The following NEMP2 variants were observed in gnomAD, a reference collection of about 807,000 sequenced individuals.
NEMP2 encodes UPF0571 transmembrane protein.
A neutral mutation model predicts 54.2 loss-of-function variants in NEMP2; 53 were observed. The observed-to-expected ratio is 0.98, with a 90% CI of 0.78 to 1.23. The LOEUF is 1.23. NEMP2 is among the 50% of genes most tolerant of loss of function. The probability of loss-of-function intolerance (pLI) is 0.00; values close to 1 mark genes in which losing one functional copy is unlikely to be tolerated. For synonymous variants in NEMP2, 197 were observed against 190.3 expected (o/e 1.04, Z -0.29); for missense variants, 455 against 511.3 (o/e 0.89, Z 1.06).
the NEMP2 span, among the ~76,000 whole-genome samples, chr2:190,614,416 C>T: frequency 2.0e-5 from 3 of 151,998 alleles, no homozygotes; most frequent in Admixed American, 6.6e-5. The surrounding 1 kb of genome is among the most constrained non-coding windows in gnomAD (Gnocchi z 5.7). Flanking sequence ...TTGCTCAAAA[C>T]GACAAGATCC....
the NEMP2 span, among the ~76,000 whole-genome samples, chr2:190,620,663 T>C: frequency 6.6e-6 from 1 of 152,162 alleles, no homozygotes; most frequent in East Asian, 1.9e-4. This position sits in a 1 kb window ranked among gnomAD's most constrained non-coding sequence, Gnocchi z 4.9. Context: ...ACTAGCATCA[T>C]ACACAATAGT....
the NEMP2 span, among the ~76,000 whole-genome samples, chr2:190,459,938 G>C: frequency 5.9e-5 from 9 of 152,208 alleles, no homozygotes; most frequent in African/African-American, 2.2e-4. This position sits in a 1 kb window ranked among gnomAD's most constrained non-coding sequence, Gnocchi z 5.3. Flanking sequence ...CTTATGCTCT[G>C]TTCTACAAGG....
chr2:190,612,315 C>A, the NEMP2 span, among the ~76,000 whole-genome samples: 1 of 151,982 alleles, frequency 6.6e-6, no homozygotes, highest in South Asian at 2.1e-4. Context: ...GCCACCACGC[C>A]CAGCTAATTT....
the NEMP2 span, among the ~76,000 whole-genome samples, chr2:190,569,365 T>C: frequency 2.7e-5 from 4 of 150,806 alleles, no homozygotes; most frequent in African/African-American, 7.3e-5. Flanking sequence ...ATTGATTTTA[T>C]AGAGTTGTGA....
the NEMP2 span, among the ~76,000 whole-genome samples, chr2:190,461,767 G>A: frequency 6.6e-6 from 1 of 152,082 alleles, no homozygotes; most frequent in Non-Finnish European, 1.5e-5. This position sits in a 1 kb window ranked among gnomAD's most constrained non-coding sequence, Gnocchi z 5.5. Context: ...TGGTGAATTA[G>A]TTTCAACATA....
the NEMP2 span, among the ~76,000 whole-genome samples, chr2:190,582,161 T>G: frequency 1.3e-5 from 2 of 152,210 alleles, no homozygotes; most frequent in Non-Finnish European, 2.9e-5. The surrounding 1 kb of genome is among the most constrained non-coding windows in gnomAD (Gnocchi z 4.6). Flanking sequence ...TGAGAGTCAA[T>G]TGAGGCCTCT....
chr2:190,617,061 G>A, the NEMP2 span: 2 of 151,978 alleles, frequency 1.3e-5, no homozygotes, highest in African/African-American at 4.8e-5. This position sits in a 1 kb window ranked among gnomAD's most constrained non-coding sequence, Gnocchi z 5.0. Context: ...GGGAGGTTGA[G>A]GTTGGAGTGA....
chr2:190,474,587 CAA>C, the NEMP2 span, among the ~76,000 whole-genome samples: 2 of 151,928 alleles, frequency 1.3e-5, no homozygotes, highest in Non-Finnish European at 2.9e-5. Flanking sequence ...GCTTACCAAC[CAA>C]AAAAAGTCCA....
chr2:190,623,644 C>T, the NEMP2 span, among the ~76,000 whole-genome samples: 1 of 152,122 alleles, frequency 6.6e-6, no homozygotes, highest in Non-Finnish European at 1.5e-5. Flanking sequence ...CTCTATATCT[C>T]ATCATATCAA....
At chr2:190,437,712 T>A in the NEMP2 span, 1 of 1,000,334 alleles carries the variant, frequency 1.0e-6, no homozygotes, top group Non-Finnish European at 1.4e-6. This position sits in a 1 kb window ranked among gnomAD's most constrained non-coding sequence, Gnocchi z 5.9. Context: ...TTTTCCTCCT[T>A]AAAATAGAAA....
chr2:190,437,639 A>G, the NEMP2 span: 2 of 1,464,052 alleles, frequency 1.4e-6, no homozygotes, highest in Non-Finnish European at 1.8e-6. The surrounding 1 kb of genome is among the most constrained non-coding windows in gnomAD (Gnocchi z 5.9). Context: ...TTCTACTACA[A>G]TTTTAAGGTA....
the NEMP2 span, chr2:190,477,054 TG>T: frequency 1.3e-5 from 1 of 75,604 alleles, no homozygotes; most frequent in Non-Finnish European, 2.4e-5. Context: ...GGGACTCTTG[TG>T]GGGTGGGGGG....
the NEMP2 span, chr2:190,436,208 A>T: frequency 8.1e-6 from 13 of 1,614,078 alleles, no homozygotes; most frequent in African/African-American, 1.3e-5. The surrounding 1 kb of genome is among the most constrained non-coding windows in gnomAD (Gnocchi z 5.3). Flanking sequence ...ATAGAGAAAC[A>T]TTGTGTTAAG....
chr2:190,586,841 C>CA, the NEMP2 span, among the ~76,000 whole-genome samples: 1 of 152,156 alleles, frequency 6.6e-6, no homozygotes, highest in Non-Finnish European at 1.5e-5. The surrounding 1 kb of genome is among the most constrained non-coding windows in gnomAD (Gnocchi z 4.5). Context: ...CCTGATTCAA[C>CA]AATTATCAAT....
chr2:190,626,487 A>T, the NEMP2 span: 1 of 152,180 alleles, frequency 6.6e-6, no homozygotes, highest in African/African-American at 2.4e-5. The surrounding 1 kb of genome is among the most constrained non-coding windows in gnomAD (Gnocchi z 4.5). Context: ...AGAGAGCTTT[A>T]CCTGTGGGTG....
rs1234109820 is a variant in NEMP2 at position 190,506,063 on chromosome 2, CT to C, written c.*3125del. On this transcript the variant is annotated 3_prime_UTR_variant, in exon 9 of 9. Transcript: ENST00000409150. The surrounding 1 kb of genome is among the most constrained non-coding windows in gnomAD (Gnocchi z 6.3). ...TCATATCAAGTCAAGTGTTTTTATCCTTATGCTAGTTATATTTTTGGTTGTG... is the reference window on the plus strand; with the variant it reads ...TCATATCAAGTCAAGTGTTTTTATCCTATGCTAGTTATATTTTTGGTTGTG... The C allele has an allele frequency of 6.6e-6, 1 of 152,144 alleles. No individual in the cohort carries two copies. Among genetic ancestry groups the C allele is most frequent in the Non-Finnish European group, 1.5e-5 (1 of 68,024 alleles). 9.4% of individuals were successfully genotyped at this position (152,144 alleles called of 1,614,324 possible). A position where few individuals can be genotyped will look rare whatever the true frequency, so the allele number is the denominator to read the frequency against.
the NEMP2 span, among the ~76,000 whole-genome samples, chr2:190,569,607 A>G: frequency 6.6e-6 from 1 of 152,188 alleles, no homozygotes; most frequent in Admixed American, 6.5e-5. Flanking sequence ...CCTCTTACAG[A>G]TAAAACTTGG....
the NEMP2 span, chr2:190,437,211 C>T: frequency 6.2e-7 from 1 of 1,614,222 alleles, no homozygotes; most frequent in African/African-American, 1.3e-5. The surrounding 1 kb of genome is among the most constrained non-coding windows in gnomAD (Gnocchi z 5.9). Flanking sequence ...TCCGCTACAA[C>T]CATTTCAAAA....
the NEMP2 span, among the ~76,000 whole-genome samples, chr2:190,472,351 T>C: frequency 1.2e-4 from 19 of 152,048 alleles, no homozygotes; most frequent in African/African-American, 4.6e-4. Flanking sequence ...AAAGATTAGA[T>C]GAATGGCTAA....
Sources: gnomAD v4.1 joint callset for allele counts (sites outside exome capture counted in the v4.1 genomes callset) on GRCh38, gnomAD v4.1.1 for gene constraint, Gnocchi (gnomAD v3.1) non-coding constraint, MANE v1.5 for transcripts, NCBI Gene and HGNC (gene_info 2026-07-23, HGNC 2026-07-21) for gene names.